The following SYTL2 variants were observed in gnomAD, a reference collection of about 807,000 sequenced individuals.
SYTL2 encodes synaptotagmin like 2.
A neutral mutation model predicts 198.7 loss-of-function variants in SYTL2; 165 were observed. The ratio of observed to expected loss-of-function variants is 0.83; its 90% CI spans 0.73 to 0.94. The LOEUF (loss-of-function observed/expected upper bound fraction) is 0.94, where lower values mean the gene tolerates loss of function less well. SYTL2 is among the 40% of genes least tolerant of loss of function. SYTL2 has a pLI of 0.00. For synonymous variants in SYTL2, 966 were observed against 917.7 expected, an observed-to-expected ratio of 1.05 and a Z score of -0.95; for missense variants, 2,835 against 2,582.8, an observed-to-expected ratio of 1.10 and a Z score of -2.12.
the SYTL2 span, among the ~76,000 whole-genome samples, chr11:85,852,038 C>A: frequency 6.6e-6 from 1 of 152,122 alleles, no homozygotes; most frequent in Non-Finnish European, 1.5e-5. Flanking sequence ...TTATCTCTAA[C>A]AATGATTAAT....
chr11:85,724,847 A>C lies in SYTL2; in HGVS notation c.4511T>G (p.Leu1504Arg). ...FLEFSAGLEK[L>R]LKEETETFPS... ...GAAGGTTTCAGTTTCTTCCTTCAGTAGTTTTTCTAAGCCAGCACTGAATTC... is the reference window on the plus strand; with the variant it reads ...GAAGGTTTCAGTTTCTTCCTTCAGTCGTTTTTCTAAGCCAGCACTGAATTC... The change falls in exon 8 of 20, where the codon CTA becomes CGA. Residue 1504 changes from leucine (L) to arginine (R), a missense_variant. Transcript: ENST00000359152. The C allele has an allele frequency of 6.2e-7, 1 of 1,613,560 alleles. No individual in the cohort carries two copies. Among genetic ancestry groups the C allele is most frequent in the South Asian group, 1.1e-5 (1 of 90,828 alleles).
Position 85,734,742 on chromosome 11 carries a change from T to C in SYTL2, c.587A>G (p.Asp196Gly), listed in dbSNP as rs746616417. 3.5e-5 allele frequency: 57 copies of C among 1,608,002 alleles called. No individual in the cohort carries two copies. The highest frequency in any genetic ancestry group is 4.4e-5 in the Non-Finnish European group (52 of 1,177,200). ...RTGLFQTSKE[D>G]ELSESKEKST... ...CTTTTCTTTTGACTCTGACAATTCA[T>C]CTGAAAATTAAAACACAGTAGGTGA... The change falls in exon 7 of 20, where the codon GAT becomes GGT. Residue 196 changes from aspartate to glycine, a missense_variant and splice_region_variant. Transcript: ENST00000359152.
upstream of SYTL2, among the ~76,000 whole-genome samples, chr11:85,811,626 A>C (rs1294378551): frequency 6.6e-6 from 1 of 152,112 alleles, no homozygotes; most frequent in African/African-American, 2.4e-5. Flanking sequence ...GTGAAATAGA[A>C]GAAGGGGGGA....
chr11:85,738,971 T>C (rs117438501), intron 4 of SYTL2, among the ~76,000 whole-genome samples: 2,923 of 152,262 alleles, frequency 0.019, 56 homozygotes, highest in Admixed American at 0.036. Flanking sequence ...CAACAGCCCA[T>C]ATTGCAAATC....
chr11:85,700,464 A>C (rs1329353511), intron 17 of SYTL2, 51 bp downstream of exon 17: 1 of 1,427,958 alleles, frequency 7.0e-7, no homozygotes, highest in East Asian at 2.3e-5. Context: ...ATACTGTGAG[A>C]AGGGAGGGAT....
chr11:85,787,696 TTTTC>T (rs2092658417), intron 1 of SYTL2, among the ~76,000 whole-genome samples: 1 of 80,308 alleles, frequency 1.2e-5, no homozygotes, highest in African/African-American at 3.6e-5. Flanking sequence ...TTTTTTTTTC[TTTTC>T]CTTTTTTTTT....
the SYTL2 span, among the ~76,000 whole-genome samples, chr11:85,833,895 T>C: frequency 6.6e-6 from 1 of 151,976 alleles, no homozygotes; most frequent in Admixed American, 6.6e-5. Flanking sequence ...TACGTCACCA[T>C]GCCCGGCTAA....
chr11:85,834,882 C>T, the SYTL2 span, among the ~76,000 whole-genome samples: 1 of 151,942 alleles, frequency 6.6e-6, no homozygotes, highest in Non-Finnish European at 1.5e-5. Context: ...ACCTCAGCAC[C>T]CCAAGTAGCT....
chr11:85,828,213 C>T, the SYTL2 span, among the ~76,000 whole-genome samples: 1 of 152,142 alleles, frequency 6.6e-6, no homozygotes, highest in Non-Finnish European at 1.5e-5. Flanking sequence ...GAAGACTTAT[C>T]TGGCAGAAAA....
chr11:85,821,166 T>G, the SYTL2 span, among the ~76,000 whole-genome samples: 34 of 152,320 alleles, frequency 2.2e-4, no homozygotes, highest in East Asian at 6.5e-3. Context: ...GATGCACATC[T>G]TTTTTTATAG....
At chr11:85,811,652 G>A (rs1400585002), upstream of SYTL2, among the ~76,000 whole-genome samples, 1 of 152,132 alleles carries the variant, frequency 6.6e-6, no homozygotes, top group Non-Finnish European at 1.5e-5. Flanking sequence ...GTTGTTGAGA[G>A]GACTAAATGA....
chr11:85,704,753 C>T (rs976824545), intron 16 of SYTL2, 105 bp downstream of exon 16: 34 of 849,670 alleles, frequency 4.0e-5, no homozygotes, highest in Non-Finnish European at 5.4e-5. Flanking sequence ...AAAATTCTCC[C>T]AAACTACAGA....
chr11:85,709,563 C>T, intron 13 of SYTL2, 63 bp from the exon 14 acceptor site: 1 of 1,462,970 alleles, frequency 6.8e-7, no homozygotes, highest in Non-Finnish European at 9.5e-7. Context: ...GCACAAGGAT[C>T]ATGGATATAA....
At position 85,712,287 on chromosome 11, in the gene SYTL2, G is replaced by A. The variant is rs576495533; in HGVS notation, c.5626-1055C>T. On this transcript the variant is annotated intron_variant, in intron 12 of 19. Coordinates refer to ENST00000359152, the MANE Select transcript of SYTL2 (RefSeq NM_206927.4). Reference sequence around the variant, plus strand: ...AAATTCATATCTTTTAAATGTCTCTGTTGTCACACTCTCTCCCCACATGCT... The same window carrying A: ...AAATTCATATCTTTTAAATGTCTCTATTGTCACACTCTCTCCCCACATGCT... 5.9e-5 allele frequency among the ~76,000 whole-genome samples: 9 copies of A among 152,220 alleles called. No individual in the cohort carries two copies. In the South Asian group the frequency reaches 1.9e-3, roughly 32 times the overall value.
the SYTL2 span, among the ~76,000 whole-genome samples, chr11:85,835,486 A>C: frequency 6.6e-6 from 1 of 151,914 alleles, no homozygotes; most frequent in Non-Finnish European, 1.5e-5. Context: ...ACAACTTTTT[A>C]TTTTTCCAAG....
chr11:85,800,116 CCA>C (rs981405891), intron 1 of SYTL2, among the ~76,000 whole-genome samples: 9 of 152,102 alleles, frequency 5.9e-5, no homozygotes, highest in South Asian at 2.1e-4. Context: ...CTAACCATTC[CCA>C]CACACAGTTC....
chr11:85,749,466 T>C (rs924872766), intron 2 of SYTL2, among the ~76,000 whole-genome samples: 10 of 152,166 alleles, frequency 6.6e-5, no homozygotes, highest in African/African-American at 2.2e-4. Context: ...GTAGCAGCGC[T>C]GCATGTAAGG....
Position 85,725,220 on chromosome 11 carries a change from C to A in SYTL2, c.4138G>T (p.Glu1380Ter). The change falls in exon 8 of 20, where the codon GAA becomes TAA. Residue 1380 changes from glutamate (E) to a stop codon, truncating the protein, a stop_gained. Coordinates refer to ENST00000359152, the MANE Select transcript of SYTL2 (RefSeq NM_206927.4). LOFTEE classifies it high-confidence loss of function. ...VSAALQKLCG[E>*]VWLSYPAGRE... ...CCAGCTGGATAACTTAACCATACTT[C>A]TCCACACAGCTTCTGTAATGCAGCA... The A allele has an allele frequency of 6.2e-7, 1 of 1,614,178 alleles. No individual in the cohort carries two copies.
At chr11:85,744,534 TAGAG>T (rs1304281438) in intron 4 of SYTL2, among the ~76,000 whole-genome samples, 1 of 152,160 alleles carries the variant, frequency 6.6e-6, no homozygotes, top group East Asian at 1.9e-4. Flanking sequence ...AGGGTACCCT[TAGAG>T]TACCCATAGA....
Sources: gnomAD v4.1 joint callset for allele counts (sites outside exome capture counted in the v4.1 genomes callset) on GRCh38, gnomAD v4.1.1 for gene constraint, MANE v1.5 for transcripts, NCBI Gene and HGNC (gene_info 2026-07-23, HGNC 2026-07-21) for gene names.